MYO6: variants seen among roughly 807,000 people sequenced by gnomAD.
MYO6 encodes unconventional myosin-VI.
A neutral mutation model predicts 178.7 loss-of-function variants in MYO6; 74 were observed. The ratio of observed to expected loss-of-function variants is 0.41; its 90% CI spans 0.34 to 0.50. The LOEUF is 0.50. MYO6 is among the 20% of genes least tolerant of loss of function. The pLI, the probability that MYO6 is intolerant of heterozygous loss-of-function variation, is 0.09. For synonymous variants in MYO6, 477 were observed against 504.6 expected, an observed-to-expected ratio of 0.95 and a Z score of 0.73; for missense variants, 1,330 against 1,547.4, an observed-to-expected ratio of 0.86 and a Z score of 2.36.
chr6:75,843,763 GA>G (rs397816925), intron 9 of MYO6, among the ~76,000 whole-genome samples: 54 of 143,988 alleles, frequency 3.8e-4, no homozygotes, highest in Middle Eastern at 3.5e-3. Flanking sequence ...TAGGGTGGAA[GA>G]AAAAAAAAAA....
At chr6:75,907,442 C>T (rs577539088) in intron 30 of MYO6, among the ~76,000 whole-genome samples, 163 bp from the exon 31 acceptor site, 1 of 152,254 alleles carries the variant, frequency 6.6e-6, no homozygotes. Flanking sequence ...ATTTGGCCAT[C>T]TTTTAGTATG....
intron 1 of MYO6, among the ~76,000 whole-genome samples, chr6:75,809,171 CT>C (rs1354041339): frequency 6.6e-6 from 1 of 152,192 alleles, no homozygotes; most frequent in African/African-American, 2.4e-5. Context: ...TTGTAGCTAT[CT>C]TGTTTAGGAA....
intron 30 of MYO6, among the ~76,000 whole-genome samples, chr6:75,905,025 A>T (rs1780161700): frequency 6.6e-6 from 1 of 152,128 alleles, no homozygotes; most frequent in South Asian, 2.1e-4. Context: ...GGTGCCTCCC[A>T]GTTAGGCTGC....
At chr6:75,802,461 T>A (rs892427983) in intron 1 of MYO6, among the ~76,000 whole-genome samples, 1 of 137,038 alleles carries the variant, frequency 7.3e-6, no homozygotes, top group Non-Finnish European at 1.5e-5. Flanking sequence ...AGAGCGAGAC[T>A]CAGTATCAAA....
chr6:75,831,782 C>G (rs1398851215), intron 5 of MYO6, among the ~76,000 whole-genome samples: 1 of 151,536 alleles, frequency 6.6e-6, no homozygotes, highest in Non-Finnish European at 1.5e-5. Context: ...CCCAGCTACT[C>G]TGGAGGCAGT....
At chr6:75,905,612 A>G (rs1385704749) in intron 30 of MYO6, among the ~76,000 whole-genome samples, 2 of 152,174 alleles carry the variant, frequency 1.3e-5, no homozygotes, top group African/African-American at 2.4e-5. Context: ...ACCTGCGCCC[A>G]CTGTCTGGCA....
At chr6:75,811,063 T>C (rs1038138562) in intron 1 of MYO6, among the ~76,000 whole-genome samples, 14 of 149,928 alleles carry the variant, frequency 9.3e-5, no homozygotes, top group African/African-American at 2.9e-4. Flanking sequence ...TGTTTCTCAT[T>C]CCAGAGTCTT....
At chr6:75,833,782 A>G (rs1773363579) in intron 6 of MYO6, among the ~76,000 whole-genome samples, 1 of 152,140 alleles carries the variant, frequency 6.6e-6, no homozygotes, top group African/African-American at 2.4e-5. Context: ...CCTCTTGGCT[A>G]TTGTCAATAG....
Position 75,864,429 on chromosome 6 carries a change from C to G in MYO6, c.1674+1706C>G, listed in dbSNP as rs61311880. Among the ~76,000 whole-genome samples, 784 of 152,306 alleles carry G rather than the reference C, an allele frequency of 5.1e-3. 7 individuals carry two copies. The highest frequency in any genetic ancestry group is 0.018 in the African/African-American group (729 of 41,568). On this transcript the variant is annotated intron_variant, in intron 16 of 34. Coordinates refer to ENST00000369977, the MANE Select transcript of MYO6 (RefSeq NM_004999.4). ...CTATATATTTCTTGTAATGTGGAAT[C>G]TATTTCTGTTACTTCAGTGGAGATA...
At chr6:75,796,045 A>G (rs1768783617) in intron 1 of MYO6, among the ~76,000 whole-genome samples, 1 of 152,218 alleles carries the variant, frequency 6.6e-6, no homozygotes, top group Non-Finnish European at 1.5e-5. Flanking sequence ...ATTTTATTTG[A>G]AATACCCAGT....
At chr6:75,848,833 A>T (rs939939857) in intron 11 of MYO6, among the ~76,000 whole-genome samples, 2 of 152,114 alleles carry the variant, frequency 1.3e-5, no homozygotes, top group Admixed American at 6.6e-5. Flanking sequence ...TTCCAGTTAT[A>T]TTACACTTTT....
At chr6:75,761,601 A>G (rs1023440177) in intron 1 of MYO6, among the ~76,000 whole-genome samples, 4 of 151,070 alleles carry the variant, frequency 2.6e-5, no homozygotes, top group African/African-American at 7.3e-5. Context: ...GAACACACAC[A>G]CACACACACA....
intron 1 of MYO6, among the ~76,000 whole-genome samples, chr6:75,763,215 G>A (rs867758377): frequency 6.6e-6 from 1 of 151,850 alleles, no homozygotes; most frequent in African/African-American, 2.4e-5. Flanking sequence ...TAGTAGAGAC[G>A]GGGTTTCACC....
chr6:75,866,511 T>G lies in MYO6; in HGVS notation c.1675-15T>G. The G allele has an allele frequency of 6.4e-7, 1 of 1,570,766 alleles. No individual in the cohort carries two copies. Among genetic ancestry groups the G allele is most frequent in the Non-Finnish European group, 8.8e-7 (1 of 1,140,518 alleles). On this transcript the variant is annotated splice_polypyrimidine_tract_variant and intron_variant, in intron 16 of 34. Coordinates refer to ENST00000369977, the MANE Select transcript of MYO6 (RefSeq NM_004999.4). ...TTTTGATCATTTAATAACTCATATA[T>G]GTATTGTTTTTCAGATTCCCAGAAA...
At chr6:75,896,060 A>G (rs1779277795) in intron 29 of MYO6, among the ~76,000 whole-genome samples, 1 of 152,138 alleles carries the variant, frequency 6.6e-6, no homozygotes, top group Admixed American at 6.5e-5. Context: ...TTTTGTTTAT[A>G]TAAAATATAA....
At chr6:75,771,979 A>G (rs1300536292) in intron 1 of MYO6, among the ~76,000 whole-genome samples, 1 of 152,180 alleles carries the variant, frequency 6.6e-6, no homozygotes, top group East Asian at 1.9e-4. Flanking sequence ...GGAGGAGTTA[A>G]AAAAGTAGAA....
Position 75,856,781 on chromosome 6 carries a change from A to G in MYO6, c.1224-316A>G, listed in dbSNP as rs111545804. ...CTGAATTAAACACTGTTTCCTTTGC[A>G]TTTAAGGAAAACCAAAAGGGAGGTT... On this transcript the variant is annotated intron_variant, in intron 12 of 34. Transcript: ENST00000369977. 3.1e-3 allele frequency among the ~76,000 whole-genome samples: 476 copies of G among 152,256 alleles called. 5 individuals are homozygous for G. Among genetic ancestry groups the G allele is most frequent in the African/African-American group, 0.011 (451 of 41,562 alleles).
At chr6:75,903,748 C>G (rs1252962475) in intron 30 of MYO6, among the ~76,000 whole-genome samples, 107 of 151,694 alleles carry the variant, frequency 7.1e-4, no homozygotes, top group South Asian at 4.4e-3. Context: ...ATATTGTTAT[C>G]TGTGAATTTG....
At chr6:75,796,498 G>T (rs1768832429) in intron 1 of MYO6, among the ~76,000 whole-genome samples, 1 of 152,078 alleles carries the variant, frequency 6.6e-6, no homozygotes, top group Admixed American at 6.6e-5. Context: ...TATACTGTGT[G>T]CTACTGAGGT....
Sources: gnomAD v4.1 joint callset for allele counts (sites outside exome capture counted in the v4.1 genomes callset) on GRCh38, gnomAD v4.1.1 for gene constraint, MANE v1.5 for transcripts, NCBI Gene and HGNC (gene_info 2026-07-23, HGNC 2026-07-21) for gene names.